The following TMEM132D variants were observed in gnomAD, a reference collection of about 807,000 sequenced individuals.
The protein encoded by TMEM132D is mature OL transmembrane protein.
TMEM132D carries 21 observed loss-of-function variants against 62.3 expected under a neutral mutation model. That is an observed-to-expected ratio of 0.34 (90% CI 0.24 to 0.49). The LOEUF (loss-of-function observed/expected upper bound fraction) is 0.49. Among genes scored for constraint, TMEM132D ranks in the 20% least tolerant of loss-of-function variants. The pLI, the probability that TMEM132D is intolerant of heterozygous loss-of-function variation, is 0.99. For synonymous variants in TMEM132D, 621 were observed against 575.6 expected (o/e 1.08, Z -1.13); for missense variants, 1,346 against 1,402.8 (o/e 0.96, Z 0.65).
intron 4 of TMEM132D, among the ~76,000 whole-genome samples, chr12:129,280,636 G>A (rs1427402645): frequency 6.6e-6 from 1 of 152,040 alleles, no homozygotes; most frequent in Non-Finnish European, 1.5e-5. Context: ...TGCATATTTT[G>A]GGATTTCTCA....
At chr12:129,767,561 T>C (rs1870591487) in intron 1 of TMEM132D, among the ~76,000 whole-genome samples, 1 of 152,224 alleles carries the variant, frequency 6.6e-6, no homozygotes, top group Non-Finnish European at 1.5e-5. Flanking sequence ...ATTTGATCTC[T>C]CCAGGAGTCT....
At chr12:129,460,988 T>A (rs537339903) in intron 3 of TMEM132D, among the ~76,000 whole-genome samples, 1 of 152,310 alleles carries the variant, frequency 6.6e-6, no homozygotes, top group South Asian at 2.1e-4. Flanking sequence ...TGGGTTATGC[T>A]GATACTGGCA....
At chr12:129,803,858 A>G (rs1871883980) in intron 1 of TMEM132D, among the ~76,000 whole-genome samples, 2 of 147,532 alleles carry the variant, frequency 1.4e-5, no homozygotes, top group African/African-American at 5.0e-5. Flanking sequence ...TAAAGGGGAT[A>G]TCACCACTGA....
chr12:129,354,314 G>GATAT (rs1869964875), intron 3 of TMEM132D, among the ~76,000 whole-genome samples: 2 of 53,632 alleles, frequency 3.7e-5, no homozygotes, highest in East Asian at 2.1e-3. Flanking sequence ...AACTTTATTG[G>GATAT]GTATATATAT....
chr12:129,208,881 G>A (rs570432301), intron 5 of TMEM132D: 1 of 152,398 alleles, frequency 6.6e-6, no homozygotes, highest in South Asian at 2.1e-4. Context: ...GTCTCCCAGG[G>A]TGCCTTTGTT....
intron 4 of TMEM132D, among the ~76,000 whole-genome samples, chr12:129,292,653 A>C (rs1214847322): frequency 1.3e-5 from 2 of 152,258 alleles, no homozygotes; most frequent in South Asian, 4.1e-4. Context: ...ATGCAAGGAT[A>C]ATCACTCAGA....
chr12:129,740,864 C>T (rs76344981), intron 1 of TMEM132D, among the ~76,000 whole-genome samples: 12 of 152,286 alleles, frequency 7.9e-5, no homozygotes, highest in East Asian at 3.9e-4. Context: ...TTATACTTTC[C>T]GGCCACTTTC....
At chr12:129,520,263 C>T (rs561213958) in intron 3 of TMEM132D, among the ~76,000 whole-genome samples, 17 of 152,266 alleles carry the variant, frequency 1.1e-4, no homozygotes, top group Non-Finnish European at 1.9e-4. Flanking sequence ...TGACATTTTG[C>T]TTTCAATCCA....
chr12:129,895,813 C>T (rs1180022200), intron 1 of TMEM132D, among the ~76,000 whole-genome samples: 4 of 122,308 alleles, frequency 3.3e-5, no homozygotes, highest in Non-Finnish European at 7.0e-5. Flanking sequence ...TGCCCTTTCC[C>T]CTAGTAAAAA....
chr12:129,348,271 C>T lies in TMEM132D; in HGVS notation c.1116-10454G>A, dbSNP rs1039951290. Reference sequence around the variant, plus strand: ...ACATGCACACGTATGTTTATTGCAGCACTATTCACAATAGCAAACACTTGG... The same window carrying T: ...ACATGCACACGTATGTTTATTGCAGTACTATTCACAATAGCAAACACTTGG... On this transcript the variant is annotated intron_variant, in intron 3 of 8. Transcript: ENST00000422113. Among the ~76,000 whole-genome samples, 4 of 152,204 alleles carry T rather than the reference C, an allele frequency of 2.6e-5. No homozygotes were observed. In the South Asian group the frequency reaches 8.3e-4, roughly 32 times the overall value.
At chr12:129,609,082 A>G (rs1298085238) in intron 2 of TMEM132D, among the ~76,000 whole-genome samples, 3 of 151,834 alleles carry the variant, frequency 2.0e-5, no homozygotes, top group Non-Finnish European at 4.4e-5. Flanking sequence ...CTGCAATTGC[A>G]GGTGCCCACC....
intron 1 of TMEM132D, among the ~76,000 whole-genome samples, chr12:129,717,515 T>TA (rs1487132936): frequency 1.3e-5 from 2 of 149,508 alleles, no homozygotes; most frequent in African/African-American, 4.9e-5. Context: ...ACATTAATAA[T>TA]ATATTTAATA....
intron 1 of TMEM132D, among the ~76,000 whole-genome samples, chr12:129,843,196 C>A (rs1169877160): frequency 6.6e-6 from 1 of 151,880 alleles, no homozygotes; most frequent in African/African-American, 2.4e-5. Flanking sequence ...AGGAGAATCT[C>A]CAGTGTGTCT....
At chr12:129,087,772 C>A (rs145467933) in intron 5 of TMEM132D, among the ~76,000 whole-genome samples, 1 of 152,332 alleles carries the variant, frequency 6.6e-6, no homozygotes. Context: ...CACAAAGCTG[C>A]TGGGTTTGTG....
intron 3 of TMEM132D, among the ~76,000 whole-genome samples, chr12:129,515,946 G>A (rs978712097): frequency 2.6e-5 from 4 of 152,022 alleles, no homozygotes; most frequent in African/African-American, 9.7e-5. Flanking sequence ...TTTTCATAGG[G>A]GTGTCAGCCA....
chr12:129,646,981 G>C (rs1879799413), intron 2 of TMEM132D, among the ~76,000 whole-genome samples: 1 of 151,692 alleles, frequency 6.6e-6, no homozygotes, highest in African/African-American at 2.4e-5. Context: ...TGTATTTTTA[G>C]TAGAGACAGG....
At chr12:129,509,387 A>G (rs749358292) in intron 3 of TMEM132D, among the ~76,000 whole-genome samples, 3 of 152,146 alleles carry the variant, frequency 2.0e-5, no homozygotes, top group South Asian at 4.1e-4. Context: ...GGGGTACATG[A>G]GATATTTTGA....
intron 1 of TMEM132D, among the ~76,000 whole-genome samples, chr12:129,759,541 T>C (rs1342012787): frequency 6.6e-6 from 1 of 152,326 alleles, no homozygotes; most frequent in African/African-American, 2.4e-5. Flanking sequence ...TCAGTTTGCT[T>C]CTCTGTAAAA....
Position 129,078,696 on chromosome 12 carries a change from G to A in TMEM132D, c.1953C>T (p.Leu651=), listed in dbSNP as rs374463645. Residue 651 remains leucine, a synonymous_variant, in exon 8 of 9, where the codon CTC becomes CTT. Coordinates refer to ENST00000422113, the MANE Select transcript of TMEM132D (RefSeq NM_133448.3). ...QILSPLSDTI[L]AEKTITVLDE... ...CCAGCACAGTGATGGTCTTTTCAGC[G>A]AGGATGGTGTCTGACAGAGGAGACA... 1.7e-4 allele frequency: 271 copies of A among 1,614,054 alleles called. No homozygotes were observed. Among genetic ancestry groups the A allele is most frequent in the Non-Finnish European group, 2.1e-4 (245 of 1,180,038 alleles).
Sources: allele counts gnomAD v4.1 joint callset (sites outside exome capture counted in the v4.1 genomes callset), GRCh38; gene constraint gnomAD v4.1.1; transcripts MANE v1.5; gene names NCBI Gene and HGNC (gene_info 2026-07-23, HGNC 2026-07-21).